Variants in DCAF8L2 observed in about 807,000 individuals in gnomAD.
The protein encoded by DCAF8L2 is DDB1- and CUL4-associated factor 8-like protein 2.
For synonymous variants in DCAF8L2, 200 were observed against 190.9 expected, an observed-to-expected ratio of 1.05 and a Z score of -0.39; for missense variants, 430 against 490.7, an observed-to-expected ratio of 0.88 and a Z score of 1.17.
chrX:27,657,643 T>C (rs1002976635), intron 2 of DCAF8L2, among the ~76,000 whole-genome samples: 3 of 111,940 alleles, frequency 2.7e-5, no homozygotes, highest in Admixed American at 1.9e-4. Context: ...GCTGAAATAA[T>C]ACTATTCATT....
chrX:27,552,553 A>G, the DCAF8L2 span, among the ~76,000 whole-genome samples: 3 of 112,145 alleles, frequency 2.7e-5, no homozygotes, highest in South Asian at 3.7e-4. Context: ...TGAAGAAACT[A>G]TCTTTTCCCC....
chrX:27,653,599 A>C (rs1353691185), intron 2 of DCAF8L2, among the ~76,000 whole-genome samples: 1 of 110,684 alleles, frequency 9.0e-6, no homozygotes, highest in African/African-American at 3.3e-5. Flanking sequence ...TCCTCTTTTA[A>C]TAAACTATCC....
At chrX:27,613,270 G>A (rs1304257047) in intron 1 of DCAF8L2, among the ~76,000 whole-genome samples, 1 of 111,232 alleles carries the variant, frequency 9.0e-6, no homozygotes, top group Non-Finnish European at 1.9e-5. Context: ...TTGGTGTATA[G>A]GAATGCTTGT....
At chrX:27,555,507 C>T in the DCAF8L2 span, among the ~76,000 whole-genome samples, 1 of 111,998 alleles carries the variant, frequency 8.9e-6, no homozygotes, top group Admixed American at 9.4e-5. Context: ...CATTTAGCTA[C>T]TGTTGTTGTC....
intron 2 of DCAF8L2, among the ~76,000 whole-genome samples, chrX:27,669,847 C>T (rs1309843794): frequency 9.0e-6 from 1 of 111,613 alleles, no homozygotes; most frequent in Non-Finnish European, 1.9e-5. Context: ...TGTATACATG[C>T]CACATTTTCT....
the DCAF8L2 span, chrX:27,519,277 C>T: frequency 9.0e-6 from 9 of 1,003,864 alleles, no homozygotes; most frequent in Non-Finnish European, 1.3e-5. Flanking sequence ...AGCTCTAGAA[C>T]TGGATCAAGA....
chrX:27,738,234 C>T (rs901559283), intron 4 of DCAF8L2, among the ~76,000 whole-genome samples: 1 of 111,673 alleles, frequency 9.0e-6, no homozygotes, highest in African/African-American at 3.3e-5. Flanking sequence ...AATTGAGTCA[C>T]ATCTTAAAGT....
At chrX:27,598,236 A>G (rs1212647096) in intron 1 of DCAF8L2, among the ~76,000 whole-genome samples, 2 of 112,798 alleles carry the variant, frequency 1.8e-5, no homozygotes, top group African/African-American at 6.4e-5. Flanking sequence ...ACAAACTTCA[A>G]TCATAAAAAA....
At chrX:27,591,087 A>G (rs1265964437) in intron 1 of DCAF8L2, among the ~76,000 whole-genome samples, 1 of 106,080 alleles carries the variant, frequency 9.4e-6, no homozygotes, top group Non-Finnish European at 1.9e-5. Context: ...GTAGGACTAT[A>G]TTTGGTATAT....
chrX:27,716,885 G>T (rs1057211160), intron 4 of DCAF8L2, among the ~76,000 whole-genome samples: 2 of 110,847 alleles, frequency 1.8e-5, no homozygotes, highest in East Asian at 5.7e-4. Flanking sequence ...CTCTCTCCCC[G>T]CACCCCACCC....
chrX:27,604,644 C>A (rs1426247971), intron 1 of DCAF8L2, among the ~76,000 whole-genome samples: 1 of 111,991 alleles, frequency 8.9e-6, no homozygotes, highest in East Asian at 2.8e-4. Context: ...TAACAAAAAT[C>A]TTTGTCTCTA....
chrX:27,527,145 G>A, the DCAF8L2 span, among the ~76,000 whole-genome samples: 1 of 112,401 alleles, frequency 8.9e-6, no homozygotes, highest in Admixed American at 9.4e-5. Flanking sequence ...GAGGCAGGCA[G>A]GCCTCCTTGA....
chrX:27,547,891 T>TTTCTC, the DCAF8L2 span, among the ~76,000 whole-genome samples: 2 of 57,194 alleles, frequency 3.5e-5, no homozygotes, highest in Non-Finnish European at 6.6e-5. Flanking sequence ...CTCTCTCTCT[T>TTTCTC]TCTCTCTCTC....
chrX:27,722,810 G>A (rs920568263), intron 4 of DCAF8L2, among the ~76,000 whole-genome samples: 3 of 111,008 alleles, frequency 2.7e-5, no homozygotes, highest in African/African-American at 9.8e-5. Flanking sequence ...ATATGGGAAA[G>A]AAATTAGAGA....
In DCAF8L2 at chrX:27,746,888, C is replaced by A. The variant is rs774569813; in HGVS notation, c.-8C>A. 2.3e-5 allele frequency: 27 copies of A among 1,183,696 alleles called. No homozygotes were observed. The highest frequency in any genetic ancestry group is 2.9e-5 in the Non-Finnish European group (26 of 883,641). On this transcript the variant is annotated 5_prime_UTR_variant, in exon 5 of 5. Coordinates refer to ENST00000451261, the MANE Select transcript of DCAF8L2 (RefSeq NM_001353450.2). ...GTTCCAGATCTACTACAGCAAACATCGTTCAAGATGTCCCACCAAGAAGGC... is the reference window on the plus strand; with the variant it reads ...GTTCCAGATCTACTACAGCAAACATAGTTCAAGATGTCCCACCAAGAAGGC...
chrX:27,564,443 G>A, the DCAF8L2 span, among the ~76,000 whole-genome samples: 8 of 111,341 alleles, frequency 7.2e-5, no homozygotes, highest in Admixed American at 5.8e-4. Flanking sequence ...GTAAAGGAAA[G>A]TGAATTTTAA....
upstream of DCAF8L2, among the ~76,000 whole-genome samples, chrX:27,588,111 G>A (rs889197048): frequency 2.2e-4 from 23 of 106,710 alleles, no homozygotes; most frequent in Non-Finnish European, 2.1e-4. Context: ...AAATGATCCC[G>A]TCACCCAGGT....
chrX:27,562,761 G>T, the DCAF8L2 span, among the ~76,000 whole-genome samples: 1 of 111,866 alleles, frequency 8.9e-6, no homozygotes, highest in African/African-American at 3.2e-5. Context: ...GATGTGGGCT[G>T]CCCTCAGAAG....
chrX:27,599,526 T>C (rs2147118202), intron 1 of DCAF8L2, among the ~76,000 whole-genome samples: 1 of 110,016 alleles, frequency 9.1e-6, no homozygotes, highest in East Asian at 2.9e-4. Flanking sequence ...CTGTTAGGTA[T>C]TTTTACATCA....
Sources: allele counts gnomAD v4.1 joint callset (sites outside exome capture counted in the v4.1 genomes callset), GRCh38; gene constraint gnomAD v4.1.1; transcripts MANE v1.5; gene names NCBI Gene and HGNC (gene_info 2026-07-23, HGNC 2026-07-21).